CACNA2D1: variants seen among roughly 807,000 people sequenced by gnomAD.
The protein encoded by CACNA2D1 is voltage-dependent calcium channel subunit alpha-2/delta-1.
Under a neutral mutation model 171.5 loss-of-function variants are expected in CACNA2D1, and 53 were observed. That is an observed-to-expected ratio of 0.31 (90% CI 0.25 to 0.39). The LOEUF is 0.39. Among genes scored for constraint, CACNA2D1 ranks in the 10% least tolerant of loss-of-function variants. CACNA2D1 has a pLI of 1.00. For synonymous variants in CACNA2D1, 442 were observed against 443.1 expected (o/e 1.00, Z 0.03); for missense variants, 903 against 1,299.8 (o/e 0.69, Z 4.69).
At chr7:82,400,525 C>A (rs1826267334) in intron 1 of CACNA2D1, among the ~76,000 whole-genome samples, 1 of 151,642 alleles carries the variant, frequency 6.6e-6, no homozygotes, top group African/African-American at 2.4e-5. Context: ...AAACTGGATC[C>A]CTTCCTTACA....
intron 10 of CACNA2D1, among the ~76,000 whole-genome samples, chr7:82,056,193 A>G (rs1473753823): frequency 1.3e-5 from 2 of 151,944 alleles, no homozygotes; most frequent in Non-Finnish European, 2.9e-5. Context: ...GAGGCAAAAT[A>G]TAACTGGCCA....
intron 3 of CACNA2D1, among the ~76,000 whole-genome samples, chr7:82,245,475 C>CA (rs1804795236): frequency 1.3e-5 from 2 of 151,814 alleles, no homozygotes; most frequent in South Asian, 2.1e-4. Flanking sequence ...TCCAAAGATG[C>CA]AAAAAAACTC....
chr7:82,394,101 G>C (rs1478450032), intron 1 of CACNA2D1, among the ~76,000 whole-genome samples: 2 of 152,120 alleles, frequency 1.3e-5, no homozygotes, highest in Admixed American at 6.6e-5. Context: ...GCAAGTAAAA[G>C]GTAGAATGGG....
At chr7:82,056,009 T>TAAAAAAAAAA (rs61512655) in intron 10 of CACNA2D1, among the ~76,000 whole-genome samples, 3 of 42,192 alleles carry the variant, frequency 7.1e-5, no homozygotes, top group African/African-American at 1.9e-4. Context: ...ACTCAAAAGT[T>TAAAAAAAAAA]AAAAAAAAAA....
chr7:82,118,775 C>T (rs540437966), intron 5 of CACNA2D1, among the ~76,000 whole-genome samples: 11 of 152,032 alleles, frequency 7.2e-5, no homozygotes, highest in African/African-American at 2.4e-4. Flanking sequence ...TAATAACGTA[C>T]TTCTCAACTT....
At position 82,422,677 on chromosome 7, in the gene CACNA2D1, C is replaced by T. The variant is rs905153509; in HGVS notation, c.95+20688G>A. ...ATAGAAGTTCTTGAGACAGCTGTTCCGGAAGAAGTGTATAGTGACAGATAT... is the reference window on the plus strand; with the variant it reads ...ATAGAAGTTCTTGAGACAGCTGTTCTGGAAGAAGTGTATAGTGACAGATAT... On this transcript the variant is annotated intron_variant, in intron 1 of 38. Transcript: ENST00000356860. Among the ~76,000 whole-genome samples the T allele has an allele frequency of 5.9e-5, 9 of 151,936 alleles. No individual in the cohort carries two copies. In the East Asian group the frequency reaches 1.2e-3, roughly 20 times the overall value.
chr7:81,982,261 C>T (rs1165000520), intron 24 of CACNA2D1, among the ~76,000 whole-genome samples: 1 of 152,128 alleles, frequency 6.6e-6, no homozygotes, highest in African/African-American at 2.4e-5. Flanking sequence ...TCCCAAGTAG[C>T]TGGGACTACA....
intron 6 of CACNA2D1, among the ~76,000 whole-genome samples, chr7:82,103,002 G>C (rs1812872888): frequency 1.3e-5 from 2 of 152,010 alleles, no homozygotes; most frequent in Non-Finnish European, 2.9e-5. Flanking sequence ...TTATTTATGT[G>C]GATAAACAAA....
chr7:82,306,877 C>A (rs200289754), intron 3 of CACNA2D1, among the ~76,000 whole-genome samples: 240 of 133,812 alleles, frequency 1.8e-3, no homozygotes, highest in Middle Eastern at 3.8e-3. Context: ...CGAAAAAATA[C>A]AAAAAAAAAA....
intron 3 of CACNA2D1, among the ~76,000 whole-genome samples, chr7:82,195,633 A>G (rs972932687): frequency 4.0e-5 from 6 of 151,248 alleles, no homozygotes; most frequent in Non-Finnish European, 8.9e-5. Flanking sequence ...CCCAGAGTCT[A>G]TAATTTCCTA....
intron 3 of CACNA2D1, among the ~76,000 whole-genome samples, chr7:82,292,852 A>G: frequency 6.6e-6 from 1 of 152,244 alleles, no homozygotes; most frequent in Non-Finnish European, 1.5e-5. Context: ...ATATATGAGT[A>G]AGCATTCTTA....
chr7:82,093,912 G>T (rs2129023151), intron 6 of CACNA2D1, among the ~76,000 whole-genome samples: 1 of 152,268 alleles, frequency 6.6e-6, no homozygotes, highest in African/African-American at 2.4e-5. Context: ...TGGCTTTGCT[G>T]TGAGACTGCC....
At chr7:81,974,588 A>C (rs746174445) in intron 24 of CACNA2D1, 36 bp from the exon 25 acceptor site, 8 of 1,129,018 alleles carry the variant, frequency 7.1e-6, no homozygotes, top group Non-Finnish European at 1.1e-5. Flanking sequence ...TAGATATTAA[A>C]ATCAAAACTT....
chr7:81,968,556 T>C (rs1029421797), intron 29 of CACNA2D1, among the ~76,000 whole-genome samples: 1 of 151,320 alleles, frequency 6.6e-6, no homozygotes, highest in Non-Finnish European at 1.5e-5. Flanking sequence ...TTGTACGTAT[T>C]TTAAAGTATT....
chr7:82,319,564 A>AT (rs994200717), intron 3 of CACNA2D1, among the ~76,000 whole-genome samples: 4 of 152,168 alleles, frequency 2.6e-5, no homozygotes, highest in Non-Finnish European at 4.4e-5. Flanking sequence ...TTATTTAGTT[A>AT]TTTTTTTGTT....
At chr7:82,305,543 AG>A (rs1368931604) in intron 3 of CACNA2D1, among the ~76,000 whole-genome samples, 6 of 152,102 alleles carry the variant, frequency 3.9e-5, no homozygotes, top group Non-Finnish European at 8.8e-5. Context: ...GCTACCTGTG[AG>A]GTTTCATCTA....
intron 3 of CACNA2D1, among the ~76,000 whole-genome samples, chr7:82,253,933 C>T (rs189907021): frequency 6.6e-6 from 1 of 152,066 alleles, no homozygotes; most frequent in Admixed American, 6.5e-5. Flanking sequence ...TAGCTTTACC[C>T]TCCCCTAGAT....
chr7:82,051,586 T>G (rs1277805970), intron 10 of CACNA2D1, among the ~76,000 whole-genome samples: 2 of 152,190 alleles, frequency 1.3e-5, no homozygotes, highest in African/African-American at 4.8e-5. Context: ...GTGCATCTAA[T>G]TCTTTAGTAA....
chr7:81,960,770 G>T (rs953806752), intron 36 of CACNA2D1, among the ~76,000 whole-genome samples: 2 of 151,486 alleles, frequency 1.3e-5, no homozygotes, highest in Non-Finnish European at 2.9e-5. Flanking sequence ...ATTAATAAAA[G>T]GCCAATGTCT....
Sources: gnomAD v4.1 joint callset for allele counts (sites outside exome capture counted in the v4.1 genomes callset) on GRCh38, gnomAD v4.1.1 for gene constraint, MANE v1.5 for transcripts, NCBI Gene and HGNC (gene_info 2026-07-23, HGNC 2026-07-21) for gene names.